The following TMEM200C variants were observed in gnomAD, a reference collection of about 807,000 sequenced individuals.
The protein encoded by TMEM200C is transmembrane protein 200C, also known as transmembrane protein TTMA.
For missense variants in TMEM200C, 966 were observed against 699.9 expected (o/e 1.38, Z -4.29); for synonymous variants, 462 against 324.7 (o/e 1.42, Z -4.55).
rs1337870413 is a variant in TMEM200C, at chr18:5,895,628, C to G, written c.-545-148G>C. The G allele has an allele frequency of 4.1e-5, 6 of 147,368 alleles. No homozygotes were observed. In the East Asian group the frequency reaches 6.1e-4, roughly 15 times the overall value. 9.1% of individuals were successfully genotyped at this position (147,368 alleles called of 1,614,324 possible). On this transcript the variant is annotated intron_variant, in intron 1 of 2. Transcript: ENST00000581347. ...CCCCCCCCACGCCGCCGGCCTTCCC[C>G]GCTCCCCCGCGTCCTCCGCCGCCCG... is the stretch of plus-strand genomic sequence containing the variant.
exon 3 of TMEM200C, chr18:5,882,274 T>C (rs944714461): frequency 1.3e-5 from 2 of 152,186 alleles, no homozygotes; most frequent in African/African-American, 2.4e-5. Context: ...GGTACTTCCA[T>C]TGAAGATGAT....
At position 5,891,641 on chromosome 18, in the gene TMEM200C, G is replaced by A. The variant is rs765254754; in HGVS notation, c.423C>T (p.Ser141=). The change falls in exon 3 of 3, where the codon TCC becomes TCT. Residue 141 remains serine (S), a synonymous_variant. Coordinates refer to ENST00000581347, the Ensembl canonical transcript of TMEM200C. This position sits in a 1 kb window ranked among gnomAD's most constrained non-coding sequence, Gnocchi z 4.7. ...CCACGGACGTGGAGGAGGAGGACGG[G>A]GAGGCGGCTCGTGCTGGAGGCGTGC... 8.7e-6 allele frequency: 14 copies of A among 1,613,682 alleles called. No individual in the cohort carries two copies. Among genetic ancestry groups the A allele is most frequent in the Admixed American group, 1.7e-5 (1 of 59,996 alleles).
At chr18:5,890,308 C>T (rs757308256) in exon 3 of TMEM200C, 12 of 1,602,242 alleles carry the variant, frequency 7.5e-6, no homozygotes, top group Middle Eastern at 3.3e-4. Flanking sequence ...TGAGGTTGCT[C>T]GGCCGTGGGT....
At position 5,891,602 on chromosome 18, in the gene TMEM200C, G is replaced by A. The variant is rs549658527; in HGVS notation, c.462C>T (p.Arg154=). ...CAGAGTGCAGGTAGCCAGAGAAGATGCGGAAGAAGAAGCCCACGGACGTGG... is the reference window on the plus strand; with the variant it reads ...CAGAGTGCAGGTAGCCAGAGAAGATACGGAAGAAGAAGCCCACGGACGTGG... Residue 154 remains arginine, a synonymous_variant, in exon 3 of 3, where the codon CGC becomes CGT. Transcript: ENST00000581347. This position sits in a 1 kb window ranked among gnomAD's most constrained non-coding sequence, Gnocchi z 4.7. 1.2e-6 allele frequency: 2 copies of A among 1,613,910 alleles called. No individual in the cohort carries two copies. Among genetic ancestry groups the A allele is most frequent in the Admixed American group, 1.7e-5 (1 of 60,034 alleles).
In TMEM200C at chr18:5,891,374, G is replaced by GGCGGCGGCGGCC. The variant is rs753396480; in HGVS notation, c.678_689dup (p.Ala227_Ala230dup). On this transcript the variant is annotated inframe_insertion, in exon 3 of 3. Transcript: ENST00000581347. This position sits in a 1 kb window ranked among gnomAD's most constrained non-coding sequence, Gnocchi z 4.7. ...CGGCGGGGGCAGACGACGACGAAGA[G>GGCGGCGGCGGCC]GCGGCGGCGGCCGCGGCGGCGGCCG... 211 of 1,329,402 alleles carry GGCGGCGGCGGCC rather than the reference G, an allele frequency of 1.6e-4. No homozygotes were observed. Among genetic ancestry groups the GGCGGCGGCGGCC allele is most frequent in the Non-Finnish European group, 1.7e-4 (177 of 1,046,624 alleles). The allele number at this position is 1,329,402 out of a possible 1,614,324, so 82.4% of individuals were successfully genotyped here.
At position 5,891,755 on chromosome 18, in the gene TMEM200C, G is replaced by T. The variant is rs765485486; in HGVS notation, c.309C>A (p.Asn103Lys). 6.2e-7 allele frequency: 1 copy of T among 1,610,468 alleles called. No individual in the cohort carries two copies. Among genetic ancestry groups the T allele is most frequent in the African/African-American group, 1.3e-5 (1 of 75,028 alleles). Residue 103 changes from asparagine (N) to lysine (K), a missense_variant, in exon 3 of 3, where the codon AAC becomes AAA. Transcript: ENST00000581347. The surrounding 1 kb of genome is among the most constrained non-coding windows in gnomAD (Gnocchi z 4.7). ...GGTTTTTGCTGCCACTGCTACTGCT[G>T]TTGGCCGTGGTTGGGACCCGGTGGC...
In TMEM200C at chr18:5,891,497, C is replaced by T. The variant is rs1403253347; in HGVS notation, c.567G>A (p.Glu189=). ...TGATTTTGGTCTTCTTGTCCCGGTT[C>T]TCGTGGAGGACCGCGTTTGCGCAGA... Residue 189 remains glutamate (E), a synonymous_variant, in exon 3 of 3, where the codon GAG becomes GAA. Coordinates refer to ENST00000581347, the Ensembl canonical transcript of TMEM200C. This position sits in a 1 kb window ranked among gnomAD's most constrained non-coding sequence, Gnocchi z 4.7. 1 of 1,607,004 alleles carries T rather than the reference C, an allele frequency of 6.2e-7. No homozygotes were observed. Among genetic ancestry groups the T allele is most frequent in the South Asian group, 1.1e-5 (1 of 89,612 alleles).
chr18:5,887,683 A>C (rs551890310), exon 3 of TMEM200C: 2 of 152,324 alleles, frequency 1.3e-5, no homozygotes, highest in African/African-American at 4.8e-5. Flanking sequence ...ATTCACTGAG[A>C]TCATGTGTAC....
chr18:5,889,285 C>T (rs1028216039), exon 3 of TMEM200C: 1 of 152,182 alleles, frequency 6.6e-6, no homozygotes, highest in Non-Finnish European at 1.5e-5. Flanking sequence ...TAAAAATACG[C>T]TGGACATGCG....
intron 2 of TMEM200C, among the ~76,000 whole-genome samples, chr18:5,892,577 A>G (rs984161346): frequency 6.6e-6 from 1 of 152,160 alleles, no homozygotes; most frequent in African/African-American, 2.4e-5. Flanking sequence ...TCAGTCCTTC[A>G]GGAATTGGAA....
At chr18:5,890,418 G>C (rs769726954) in exon 3 of TMEM200C, 1 of 1,573,114 alleles carries the variant, frequency 6.4e-7, no homozygotes, top group South Asian at 1.2e-5. Context: ...GTCCAAGACC[G>C]ACTCGGTGGA....
chr18:5,883,211 T>C (rs1460832897), exon 3 of TMEM200C: 3 of 152,166 alleles, frequency 2.0e-5, no homozygotes, highest in Non-Finnish European at 4.4e-5. Flanking sequence ...TTGCCTTGAC[T>C]GTGTTTATGC....
chr18:5,894,151 AT>A (rs1336824017), intron 2 of TMEM200C, among the ~76,000 whole-genome samples: 3 of 152,082 alleles, frequency 2.0e-5, no homozygotes, highest in Admixed American at 6.5e-5. Flanking sequence ...TTTGTTGGGC[AT>A]TGATCAGGTG....
chr18:5,892,333 G>A (rs2095172149), intron 2 of TMEM200C, among the ~76,000 whole-genome samples, 176 bp from the exon 2 acceptor site: 1 of 152,186 alleles, frequency 6.6e-6, no homozygotes, highest in African/African-American at 2.4e-5. Context: ...ACTAGGGAAG[G>A]GAAACGTTGT....
chr18:5,893,014 A>G (rs563823182), intron 2 of TMEM200C, among the ~76,000 whole-genome samples: 2 of 152,292 alleles, frequency 1.3e-5, no homozygotes, highest in South Asian at 4.1e-4. Context: ...TTCCTCCCTC[A>G]GAGGAACTCC....
chr18:5,890,543 C>A, exon 3 of TMEM200C: 2 of 1,457,194 alleles, frequency 1.4e-6, no homozygotes, highest in African/African-American at 1.4e-5. Flanking sequence ...GCAGGGGTGG[C>A]GAGGGGGAGG....
chr18:5,883,952 G>C (rs1036094764), exon 3 of TMEM200C: 3 of 152,086 alleles, frequency 2.0e-5, no homozygotes, highest in Non-Finnish European at 4.4e-5. Context: ...GATAGCTTAG[G>C]TCCAATAAGA....
upstream of TMEM200C, among the ~76,000 whole-genome samples, chr18:5,896,170 C>G (rs1210802763): frequency 4.6e-5 from 7 of 152,176 alleles, no homozygotes; most frequent in Admixed American, 4.6e-4. Context: ...CGCTTGGAAG[C>G]CTCTGCCAGA....
At chr18:5,892,971 C>G (rs2095172704) in intron 2 of TMEM200C, among the ~76,000 whole-genome samples, 2 of 152,270 alleles carry the variant, frequency 1.3e-5, no homozygotes, top group South Asian at 4.1e-4. Flanking sequence ...TAGGTAACTG[C>G]TTATGTAACT....
Sources: allele counts gnomAD v4.1 joint callset (sites outside exome capture counted in the v4.1 genomes callset), GRCh38; gene constraint gnomAD v4.1.1; non-coding constraint Gnocchi (gnomAD v3.1); transcripts MANE v1.5; gene names NCBI Gene and HGNC (gene_info 2026-07-23, HGNC 2026-07-21).